CACNA1C: variants seen among roughly 807,000 people sequenced by gnomAD.
The protein encoded by CACNA1C is calcium voltage-gated channel subunit alpha1 C.
CACNA1C carries 30 observed loss-of-function variants against 229.0 expected under a neutral mutation model. The ratio of observed to expected loss-of-function variants is 0.13; its 90% confidence interval spans 0.10 to 0.18. The LOEUF (loss-of-function observed/expected upper bound fraction) is 0.18, where lower values mean the gene tolerates loss of function less well. CACNA1C is among the 10% of genes least tolerant of loss of function. The pLI, the probability that CACNA1C is intolerant of heterozygous loss-of-function variation, is 1.00. For missense variants in CACNA1C, 1,658 were observed against 2,845.0 expected, an observed-to-expected ratio of 0.58 and a Z score of 9.49; for synonymous variants, 1,114 against 1,132.5, an observed-to-expected ratio of 0.98 and a Z score of 0.33.
intron 3 of CACNA1C, among the ~76,000 whole-genome samples, chr12:2,267,784 G>A (rs1168857787): frequency 1.3e-5 from 2 of 152,190 alleles, no homozygotes; most frequent in Non-Finnish European, 2.9e-5. Flanking sequence ...GGAGGGCAGC[G>A]AGGAAGGAGC....
intron 9 of CACNA1C, among the ~76,000 whole-genome samples, chr12:2,530,380 A>G (rs558431717): frequency 2.0e-5 from 3 of 152,348 alleles, no homozygotes; most frequent in South Asian, 2.1e-4. Flanking sequence ...TTAAAACCCA[A>G]TAGAAGCTGA....
At chr12:2,081,317 TC>T in intron 1 of CACNA1C, among the ~76,000 whole-genome samples, 1 of 151,666 alleles carries the variant, frequency 6.6e-6, no homozygotes, top group East Asian at 1.9e-4. Context: ...ACGCCTGTAA[TC>T]CCAACACTCT....
intron 1 of CACNA1C, among the ~76,000 whole-genome samples, chr12:2,079,497 G>A (rs1202261234): frequency 2.0e-5 from 3 of 152,082 alleles, no homozygotes; most frequent in Non-Finnish European, 4.4e-5. Flanking sequence ...AGAGAGTTGA[G>A]AACTGAAGAG....
In CACNA1C at chr12:2,181,094, G is replaced by A. The variant is rs2096827375; in HGVS notation, c.477+60664G>A. ...TCAGACTCAAATGTTTTCTTCTGGG[G>A]GGTTACAGTCTGGGGAAGACCCCTG... On this transcript the variant is annotated intron_variant, in intron 3 of 46. Transcript: ENST00000399655. The surrounding 1 kb of genome is among the most constrained non-coding windows in gnomAD (Gnocchi z 4.0). Among the ~76,000 whole-genome samples, 1 of 152,154 alleles carries A rather than the reference G, an allele frequency of 6.6e-6. No individual in the cohort carries two copies. Among genetic ancestry groups the A allele is most frequent in the Non-Finnish European group, 1.5e-5 (1 of 68,038 alleles).
In CACNA1C at chr12:2,679,640, CCAACGCCAACATCAA is replaced by C. The variant is rs765818401; in HGVS notation, c.5300_5314del (p.Ile1767_Asn1771del). On this transcript the variant is annotated inframe_deletion, in exon 42 of 47. Coordinates refer to ENST00000399655, the MANE Select transcript of CACNA1C (RefSeq NM_000719.7). The surrounding 1 kb of genome is among the most constrained non-coding windows in gnomAD (Gnocchi z 5.5). ...CCGAGCAGCTACTCGTCCACCGGCT[CCAACGCCAACATCAA>C]CAACGCCAACAACACCGCCCTGGGT... 3 of 1,613,902 alleles carry C rather than the reference CCAACGCCAACATCAA, an allele frequency of 1.9e-6. No homozygotes were observed. The highest frequency in any genetic ancestry group is 2.5e-6 in the Non-Finnish European group (3 of 1,179,850).
rs1211613724 is a variant in CACNA1C, at chr12:2,486,742, C to G, written c.916+480C>G. ...TTTTTCTACCTTCATGGTGCTGATT[C>G]CAGATCCTCTGTAATTATTGTTTCT... is the stretch of plus-strand genomic sequence containing the variant. On this transcript the variant is annotated intron_variant, in intron 6 of 46. Transcript: ENST00000399655. This position sits in a 1 kb window ranked among gnomAD's most constrained non-coding sequence, Gnocchi z 4.9. Among the ~76,000 whole-genome samples the G allele has an allele frequency of 6.6e-6, 1 of 152,186 alleles. No homozygotes were observed. Among genetic ancestry groups the G allele is most frequent in the Non-Finnish European group, 1.5e-5 (1 of 68,040 alleles).
In CACNA1C at chr12:2,348,768, A is replaced by G. The variant is rs2097124286; in HGVS notation, c.478-100208A>G. Among the ~76,000 whole-genome samples, 1 of 152,128 alleles carries G rather than the reference A, an allele frequency of 6.6e-6. No individual in the cohort carries two copies. Among genetic ancestry groups the G allele is most frequent in the Admixed American group, 6.5e-5 (1 of 15,282 alleles). Reference sequence around the variant, plus strand: ...GTTCCTTCCTCGGGAACTGGGTGGCATGGGAGAGTAGCTTCAAGCTTGCTC... The same window carrying G: ...GTTCCTTCCTCGGGAACTGGGTGGCGTGGGAGAGTAGCTTCAAGCTTGCTC... On this transcript the variant is annotated intron_variant, in intron 3 of 46. Coordinates refer to ENST00000399655, the MANE Select transcript of CACNA1C (RefSeq NM_000719.7). This position sits in a 1 kb window ranked among gnomAD's most constrained non-coding sequence, Gnocchi z 4.7.
chr12:2,146,831 T>C (rs1370219134), intron 3 of CACNA1C, among the ~76,000 whole-genome samples: 1 of 150,802 alleles, frequency 6.6e-6, no homozygotes, highest in Non-Finnish European at 1.5e-5. Flanking sequence ...TTCAGGCCTT[T>C]AATCATCCAA....
Position 2,646,241 on chromosome 12 carries a change from G to T in CACNA1C, c.3913-2234G>T, listed in dbSNP as rs1049342775. 5 of 152,178 alleles carry T rather than the reference G, an allele frequency of 3.3e-5. No individual in the cohort carries two copies. The highest frequency in any genetic ancestry group is 1.2e-4 in the African/African-American group (5 of 41,442). The allele number at this position is 152,178 out of a possible 1,614,324, so 9.4% of individuals were successfully genotyped here. On this transcript the variant is annotated intron_variant, in intron 30 of 46. Coordinates refer to ENST00000399655, the MANE Select transcript of CACNA1C (RefSeq NM_000719.7). This position sits in a 1 kb window ranked among gnomAD's most constrained non-coding sequence, Gnocchi z 4.6. ...AAATCCCAAATGAAGGATTCTGAAT[G>T]TTTAAGAAGTAAAACAGGTTTTTTT...
rs925381155 is a variant in CACNA1C at position 2,054,142 on chromosome 12, C to T, written c.49+531C>T. Among the ~76,000 whole-genome samples the T allele has an allele frequency of 6.6e-6, 1 of 151,522 alleles. No individual in the cohort carries two copies. Among genetic ancestry groups the T allele is most frequent in the Non-Finnish European group, 1.5e-5 (1 of 67,838 alleles). On this transcript the variant is annotated intron_variant, in intron 1 of 46. Coordinates refer to ENST00000399655, the MANE Select transcript of CACNA1C (RefSeq NM_000719.7). This position sits in a 1 kb window ranked among gnomAD's most constrained non-coding sequence, Gnocchi z 5.5. The stretch of plus-strand genomic sequence containing the variant: ...CCACTCTCGTCCAGGCGCCCCTGCC[C>T]TGGGCGGCGCGCTCCAGGTGGCGGG...
At chr12:2,211,569 C>T (rs937378481) in intron 3 of CACNA1C, among the ~76,000 whole-genome samples, 4 of 152,214 alleles carry the variant, frequency 2.6e-5, no homozygotes, top group Non-Finnish European at 4.4e-5. Flanking sequence ...CACCAGCAGA[C>T]TCTCCTTCTT....
In CACNA1C at chr12:2,691,239, A is replaced by G. The variant is rs769266712; in HGVS notation, c.*40A>G. 9.4e-5 allele frequency: 140 copies of G among 1,494,890 alleles called. No individual in the cohort carries two copies. Among genetic ancestry groups the G allele is most frequent in the South Asian group, 6.8e-4 (48 of 70,854 alleles). The allele number at this position is 1,494,890 out of a possible 1,614,324, so 92.6% of individuals were successfully genotyped here. ...TGCGGGCTTTTTTTTATTTGTTTCAATGTTCCTAATGGGTTCGTTTCAGAA... is the reference window on the plus strand; with the variant it reads ...TGCGGGCTTTTTTTTATTTGTTTCAGTGTTCCTAATGGGTTCGTTTCAGAA... On this transcript the variant is annotated 3_prime_UTR_variant, in exon 47 of 47. Transcript: ENST00000399655.
chr12:2,633,537 C>A lies in CACNA1C; in HGVS notation c.3829-760C>A. Reference sequence around the variant, plus strand: ...GAACTCCAGAGGCAACACGGAGGTGCCTGGACGATGATTCTGATGGTGGTG... The same window carrying A: ...GAACTCCAGAGGCAACACGGAGGTGACTGGACGATGATTCTGATGGTGGTG... On this transcript the variant is annotated intron_variant, in intron 29 of 46. Coordinates refer to ENST00000399655, the MANE Select transcript of CACNA1C (RefSeq NM_000719.7). This position sits in a 1 kb window ranked among gnomAD's most constrained non-coding sequence, Gnocchi z 5.8. 1.2e-6 allele frequency: 1 copy of A among 807,156 alleles called. No homozygotes were observed. Among genetic ancestry groups the A allele is most frequent in the Non-Finnish European group, 2.2e-6 (1 of 458,572 alleles). 50.0% of individuals were successfully genotyped at this position (807,156 alleles called of 1,614,324 possible). A position where few individuals can be genotyped will look rare whatever the true frequency, so the allele number is the denominator to read the frequency against.
chr12:2,013,833 T>C (rs1288048352), intron 1 of CACNA1C, among the ~76,000 whole-genome samples: 1 of 152,196 alleles, frequency 6.6e-6, no homozygotes, highest in African/African-American at 2.4e-5. Context: ...TTGTTGTGAG[T>C]ATTGCTGAAA....
At chr12:2,556,039 C>G (rs755898294) in intron 10 of CACNA1C, among the ~76,000 whole-genome samples, 15 of 152,300 alleles carry the variant, frequency 9.8e-5, no homozygotes, top group African/African-American at 3.4e-4. Flanking sequence ...ACCACCTGCA[C>G]TATCCCCAGC....
intron 3 of CACNA1C, among the ~76,000 whole-genome samples, chr12:2,405,331 G>T (rs1463357655): frequency 2.0e-5 from 3 of 152,112 alleles, no homozygotes; most frequent in Non-Finnish European, 4.4e-5. Context: ...ATCATATGTA[G>T]GTTCATGTGA....
chr12:2,525,186 G>A (rs1053211676), intron 9 of CACNA1C, among the ~76,000 whole-genome samples: 7 of 152,140 alleles, frequency 4.6e-5, no homozygotes, highest in African/African-American at 1.7e-4. Context: ...GCAGAGGGAT[G>A]ACAAGGTACC....
chr12:2,327,333 A>G (rs1215638146), intron 3 of CACNA1C, among the ~76,000 whole-genome samples: 1 of 152,248 alleles, frequency 6.6e-6, no homozygotes, highest in Non-Finnish European at 1.5e-5. Context: ...ACGAAATGAA[A>G]CACACTGCCA....
At chr12:2,436,559 A>G (rs936936529) in intron 3 of CACNA1C, among the ~76,000 whole-genome samples, 4 of 152,168 alleles carry the variant, frequency 2.6e-5, no homozygotes, top group Non-Finnish European at 5.9e-5. Flanking sequence ...ATTTGAACTA[A>G]GCATCTCCCA....
Sources: allele counts gnomAD v4.1 joint callset (sites outside exome capture counted in the v4.1 genomes callset), GRCh38; gene constraint gnomAD v4.1.1; non-coding constraint Gnocchi (gnomAD v3.1); transcripts MANE v1.5; gene names NCBI Gene and HGNC (gene_info 2026-07-23, HGNC 2026-07-21).